DNAJC8: variants seen among roughly 807,000 people sequenced by gnomAD.
DNAJC8 encodes DnaJ heat shock protein family (Hsp40) member C8.
In DNAJC8, 24 loss-of-function variants were observed where a neutral mutation model predicts 43.2. That is an observed-to-expected ratio of 0.56 (90% CI 0.40 to 0.78). DNAJC8 has a LOEUF of 0.78. DNAJC8 is among the 30% of genes least tolerant of loss of function. DNAJC8 has a pLI of 0.00. For synonymous variants in DNAJC8, 83 were observed against 98.0 expected (o/e 0.85, Z 0.90); for missense variants, 207 against 299.4 (o/e 0.69, Z 2.28).
intron 2 of DNAJC8, among the ~76,000 whole-genome samples, chr1:28,227,939 A>C (rs1646948241): frequency 6.6e-6 from 1 of 152,238 alleles, no homozygotes; most frequent in Admixed American, 6.5e-5. Context: ...TAAAGCTATA[A>C]AATTAAGAAA....
intron 5 of DNAJC8, 33 bp from the exon 6 acceptor site, chr1:28,208,446 C>T (rs1646785763): frequency 1.3e-6 from 2 of 1,527,648 alleles, no homozygotes; most frequent in Non-Finnish European, 1.8e-6. Flanking sequence ...AAAAGACGAG[C>T]ATCTGTGCTT....
chr1:28,232,811 C>T (rs1646989857), intron 1 of DNAJC8, 110 bp downstream of exon 1: 1 of 1,187,436 alleles, frequency 8.4e-7, no homozygotes, highest in Non-Finnish European at 1.2e-6. Flanking sequence ...GAAGACTGGA[C>T]TGAAGGAATC....
chr1:28,229,729 G>A (rs910722736), intron 1 of DNAJC8, among the ~76,000 whole-genome samples: 2 of 151,060 alleles, frequency 1.3e-5, no homozygotes, highest in African/African-American at 4.9e-5. Flanking sequence ...AGCCAAGATC[G>A]CGCCACTGGA....
intron 3 of DNAJC8, among the ~76,000 whole-genome samples, chr1:28,212,318 A>G (rs1381396164): frequency 7.5e-6 from 1 of 133,858 alleles, no homozygotes; most frequent in African/African-American, 2.8e-5. Context: ...TCTATCATCC[A>G]GGCTGGAGTG....
intron 3 of DNAJC8, among the ~76,000 whole-genome samples, chr1:28,211,324 C>G (rs1421857274): frequency 1.3e-5 from 2 of 152,326 alleles, no homozygotes; most frequent in South Asian, 4.1e-4. Flanking sequence ...AAATCTGAAA[C>G]TTTCTGAGTG....
chr1:28,224,279 T>C (rs766641114), intron 2 of DNAJC8, among the ~76,000 whole-genome samples: 9 of 152,150 alleles, frequency 5.9e-5, no homozygotes, highest in Non-Finnish European at 1.0e-4. Context: ...CACTTCTTTT[T>C]ATTTTTGAGA....
chr1:28,214,986 A>C lies in DNAJC8; in HGVS notation c.191T>G (p.Ile64Arg). Residue 64 changes from isoleucine to arginine, a missense_variant, in exon 3 of 9, where the codon ATA (isoleucine) becomes AGA (arginine). Ile to Arg is a moderately conservative substitution (Grantham distance 97). Transcript: ENST00000263697. ...TTCTTCATCTGTAACTTCAGGATCT[A>C]TCTGAAGAACCTGGAAGTATCAAAA... ...FNLNPFEVLQ[I>R]DPEVTDEEIK... 1 of 1,608,236 alleles carries C rather than the reference A, an allele frequency of 6.2e-7. No homozygotes were observed. The highest frequency in any genetic ancestry group is 8.5e-7 in the Non-Finnish European group (1 of 1,177,268).
intron 2 of DNAJC8, among the ~76,000 whole-genome samples, chr1:28,216,273 G>C (rs1301055923): frequency 1.3e-5 from 2 of 152,160 alleles, no homozygotes; most frequent in African/African-American, 2.4e-5. Context: ...TTCCCAAGGA[G>C]AAAGGAACTG....
Position 28,224,997 on chromosome 1 carries a change from T to TTGCAGTGAGCTA in DNAJC8, c.180+3913_180+3924dup, listed in dbSNP as rs575474094. ...GAGCCCAGAGCCCAGGAGTTCGAGG[T>TTGCAGTGAGCTA]TGCAGTGAGCTATACAGTGAGCGGA... On this transcript the variant is annotated intron_variant, in intron 2 of 8. Transcript: ENST00000263697. 1.2e-3 allele frequency among the ~76,000 whole-genome samples: 182 copies of TTGCAGTGAGCTA among 151,156 alleles called. 2 individuals carry two copies. Among genetic ancestry groups the TTGCAGTGAGCTA allele is most frequent in the African/African-American group, 4.3e-3 (179 of 41,182 alleles).
At chr1:28,224,578 C>T (rs1052241665) in intron 2 of DNAJC8, among the ~76,000 whole-genome samples, 1 of 151,290 alleles carries the variant, frequency 6.6e-6, no homozygotes, top group African/African-American at 2.4e-5. Flanking sequence ...AGGGAGACCC[C>T]ATCTTACAAA....
At chr1:28,232,424 A>C (rs1340104287) in intron 1 of DNAJC8, among the ~76,000 whole-genome samples, 1 of 152,228 alleles carries the variant, frequency 6.6e-6, no homozygotes, top group African/African-American at 2.4e-5. Flanking sequence ...ACCTACTGTA[A>C]GGCCCCAAAC....
chr1:28,204,949 G>A (rs1453242835), intron 7 of DNAJC8, among the ~76,000 whole-genome samples: 1 of 152,170 alleles, frequency 6.6e-6, no homozygotes, highest in Admixed American at 6.5e-5. Context: ...CTAGAACCTG[G>A]GAGGTGGAGG....
chr1:28,201,559 C>A (rs531284956), intron 8 of DNAJC8, among the ~76,000 whole-genome samples, 189 bp from the exon 9 acceptor site: 5 of 152,206 alleles, frequency 3.3e-5, no homozygotes, highest in East Asian at 1.9e-4. Flanking sequence ...GAGGCCGAGG[C>A]GGGCAGATCA....
Position 28,210,641 on chromosome 1 carries a change from C to T in DNAJC8, c.238-4G>A. The T allele has an allele frequency of 6.2e-7, 1 of 1,613,272 alleles. No homozygotes were observed. Among genetic ancestry groups the T allele is most frequent in the Non-Finnish European group, 8.5e-7 (1 of 1,179,392 alleles). ...CAGGATGCACCAAGATGGATAACTA[C>T]AATAAGAGAAAAGTTGGGGTTGTCA... On this transcript the variant is annotated splice_polypyrimidine_tract_variant and splice_region_variant and intron_variant, in intron 3 of 8. Coordinates refer to ENST00000263697, the MANE Select transcript of DNAJC8 (RefSeq NM_014280.3).
chr1:28,230,274 A>G (rs955711409), intron 1 of DNAJC8: 2 of 152,212 alleles, frequency 1.3e-5, no homozygotes, highest in African/African-American at 4.8e-5. Flanking sequence ...ACAAGGTTGG[A>G]AAGAATTTCA....
chr1:28,227,855 G>A (rs796156926), intron 2 of DNAJC8, among the ~76,000 whole-genome samples: 2 of 151,980 alleles, frequency 1.3e-5, no homozygotes, highest in African/African-American at 4.8e-5. Context: ...CTCTTAGGTG[G>A]GATTATATAT....
chr1:28,203,903 A>G, intron 7 of DNAJC8, 81 bp from the exon 8 acceptor site: 1 of 1,351,586 alleles, frequency 7.4e-7, no homozygotes, highest in Middle Eastern at 1.8e-4. Flanking sequence ...TCCCCACAGA[A>G]GCAAGCATAT....
intron 8 of DNAJC8, among the ~76,000 whole-genome samples, chr1:28,203,041 G>GC (rs35640245): frequency 6.6e-6 from 1 of 152,074 alleles, no homozygotes; most frequent in South Asian, 2.1e-4. Context: ...CCTTTCTGCT[G>GC]CCCCCCAAAA....
rs189313877 is a variant in DNAJC8, at chr1:28,229,820, A to T, written c.79-797T>A. Among the ~76,000 whole-genome samples the T allele has an allele frequency of 3.1e-3, 477 of 152,230 alleles. 6 individuals carry two copies. The highest frequency in any genetic ancestry group is 2.3e-3 in the Non-Finnish European group (157 of 68,024). On this transcript the variant is annotated intron_variant, in intron 1 of 8. Coordinates refer to ENST00000263697, the MANE Select transcript of DNAJC8 (RefSeq NM_014280.3). ...AGAGATTTCTCTGTGAGGAAAAAAA[A>T]TAAAGAAAAAAATTTAAAGAGCAAA...
Sources: gnomAD v4.1 joint callset for allele counts (sites outside exome capture counted in the v4.1 genomes callset) on GRCh38, gnomAD v4.1.1 for gene constraint, MANE v1.5 for transcripts, NCBI Gene and HGNC (gene_info 2026-07-23, HGNC 2026-07-21) for gene names.